The following NCOR2 variants were observed in gnomAD, a reference collection of about 807,000 sequenced individuals.
The protein encoded by NCOR2 is nuclear receptor corepressor 2.
NCOR2 carries 81 observed loss-of-function variants against 262.9 expected under a neutral mutation model. The observed-to-expected ratio is 0.31, with a 90% confidence interval of 0.26 to 0.37. The LOEUF (loss-of-function observed/expected upper bound fraction) is 0.37. Among genes scored for constraint, NCOR2 ranks in the 10% least tolerant of loss-of-function variants. The pLI, the probability that NCOR2 is intolerant of heterozygous loss-of-function variation, is 1.00. For synonymous variants in NCOR2, 1,659 were observed against 1,559.3 expected (o/e 1.06, Z -1.51); for missense variants, 3,385 against 3,621.4 (o/e 0.93, Z 1.68).
At chr12:124,428,085 G>GTGTGTGTGTGTGTGTGTGTA (rs2043679967) in intron 10 of NCOR2, among the ~76,000 whole-genome samples, 1 of 147,160 alleles carries the variant, frequency 6.8e-6, no homozygotes, top group Non-Finnish European at 1.5e-5. Context: ...GTGTGTGTGT[G>GTGTGTGTGTGTGTGTGTGTA]TGTACATGCA....
chr12:124,363,498 C>T (rs1336599688), intron 21 of NCOR2, among the ~76,000 whole-genome samples, 181 bp downstream of exon 23: 3 of 152,272 alleles, frequency 2.0e-5, no homozygotes, highest in Non-Finnish European at 4.4e-5. Context: ...GAGCCCCACC[C>T]GGTACGCCTG....
At chr12:124,472,879 T>A in intron 4 of NCOR2, 73 bp downstream of exon 6, 1 of 1,590,960 alleles carries the variant, frequency 6.3e-7, no homozygotes, top group East Asian at 2.2e-5. Flanking sequence ...GGCACATGTC[T>A]GTGACACCGC....
At chr12:124,391,806 T>C (rs1214214040) in intron 16 of NCOR2, among the ~76,000 whole-genome samples, 2 of 152,218 alleles carry the variant, frequency 1.3e-5, no homozygotes, top group Non-Finnish European at 2.9e-5. Context: ...CTCATTAAGA[T>C]GAAATAAAGT....
chr12:124,362,202 C>A, exon 22 of NCOR2: 2 of 1,311,576 alleles, frequency 1.5e-6, no homozygotes, highest in Non-Finnish European at 1.9e-6. Flanking sequence ...GGGCGTCGCT[C>A]TCCGGCTGCA....
chr12:124,554,813 T>G (rs2051832151), intron 1 of NCOR2, among the ~76,000 whole-genome samples: 1 of 152,216 alleles, frequency 6.6e-6, no homozygotes, highest in African/African-American at 2.4e-5. Context: ...AGCTGCTATT[T>G]ATAGCTGAGC....
intron 18 of NCOR2, among the ~76,000 whole-genome samples, chr12:124,377,334 C>T (rs2040082690): frequency 6.6e-6 from 1 of 152,158 alleles, no homozygotes; most frequent in Non-Finnish European, 1.5e-5. Context: ...CCTGGGGCGC[C>T]TGGGCCCAGG....
At chr12:124,400,433 T>TTTCATATGAG in intron 15 of NCOR2, 68 bp downstream of exon 17, 1 of 1,569,318 alleles carries the variant, frequency 6.4e-7, no homozygotes, top group Non-Finnish European at 8.6e-7. Context: ...TGCACGAAAC[T>TTTCATATGAG]TTCATATGAG....
intron 2 of NCOR2, 149 bp downstream of exon 4, chr12:124,486,292 G>T: frequency 7.9e-7 from 1 of 1,270,952 alleles, no homozygotes; most frequent in Non-Finnish European, 1.1e-6. Flanking sequence ...CCCGAGTCAC[G>T]CCCACGCCAG....
At chr12:124,451,243 G>A (rs1437431175) in intron 6 of NCOR2, among the ~76,000 whole-genome samples, 1 of 152,232 alleles carries the variant, frequency 6.6e-6, no homozygotes, top group African/African-American at 2.4e-5. Flanking sequence ...TCCCTCGCTG[G>A]CCACGGAGGT....
At chr12:124,331,999 G>A (rs2035242149) in intron 43 of NCOR2, 1 of 347,982 alleles carries the variant, frequency 2.9e-6, no homozygotes, top group Non-Finnish European at 5.5e-6. Context: ...GGTGCTGAGT[G>A]TGGGAGGCGC....
intron 7 of NCOR2, 42 bp downstream of exon 9, chr12:124,449,772 AC>A (rs1465756012): frequency 6.8e-6 from 11 of 1,607,916 alleles, no homozygotes; most frequent in Non-Finnish European, 9.4e-6. Context: ...CTGCTCGCCC[AC>A]CCTGCCTCTG....
intron 21 of NCOR2, among the ~76,000 whole-genome samples, chr12:124,363,154 T>C (rs2038750290): frequency 6.6e-6 from 1 of 152,198 alleles, no homozygotes. Flanking sequence ...CCTGAGCCCA[T>C]CACTCAAAGT....
chr12:124,510,417 A>G (rs962976004), intron 1 of NCOR2, among the ~76,000 whole-genome samples: 2 of 152,244 alleles, frequency 1.3e-5, no homozygotes, highest in Non-Finnish European at 1.5e-5. Flanking sequence ...TGGCACAGCC[A>G]GTCCCCAACA....
intron 1 of NCOR2, among the ~76,000 whole-genome samples, chr12:124,515,676 AGTGTGC>A (rs2049711005): frequency 6.6e-6 from 1 of 151,154 alleles, no homozygotes; most frequent in Non-Finnish European, 1.5e-5. Context: ...TGTGAGTGTG[AGTGTGC>A]GAGTATGCGT....
chr12:124,336,302 C>T (rs1255819407), intron 38 of NCOR2: 1 of 167,466 alleles, frequency 6.0e-6, no homozygotes, highest in Non-Finnish European at 1.3e-5. Flanking sequence ...CCGAGCCCTC[C>T]CGCAGCCCCA....
exon 1 of NCOR2, chr12:124,567,402 C>G (rs1310297857): frequency 1.3e-5 from 2 of 150,922 alleles, no homozygotes; most frequent in African/African-American, 2.4e-5. Flanking sequence ...GCTGGGGGCG[C>G]GCAGCAGGCC....
exon 25 of NCOR2, chr12:124,354,849 G>T (rs1250252045): frequency 1.2e-6 from 2 of 1,612,600 alleles, no homozygotes; most frequent in Non-Finnish European, 1.7e-6. Context: ...AGCTTTTTGG[G>T]GTCCATGGGC....
intron 7 of NCOR2, among the ~76,000 whole-genome samples, chr12:124,438,894 G>A (rs1593542677): frequency 1.3e-5 from 2 of 151,040 alleles, no homozygotes; most frequent in South Asian, 4.2e-4. Flanking sequence ...GACCCAGAGA[G>A]AGGGAGACAG....
At chr12:124,339,563 C>T (rs1047953020) in intron 37 of NCOR2, among the ~76,000 whole-genome samples, 1 of 150,134 alleles carries the variant, frequency 6.7e-6, no homozygotes, top group Admixed American at 6.6e-5. Context: ...ACCCATCCAT[C>T]CATCCACCCA....
Sources: gnomAD v4.1 joint callset for allele counts (sites outside exome capture counted in the v4.1 genomes callset) on GRCh38, gnomAD v4.1.1 for gene constraint, MANE v1.5 for transcripts, NCBI Gene and HGNC (gene_info 2026-07-23, HGNC 2026-07-21) for gene names.